The following DOK6 variants were observed in gnomAD, a reference collection of about 807,000 sequenced individuals.
DOK6 encodes downstream of tyrosine kinase 6.
DOK6 carries 22 observed loss-of-function variants against 44.0 expected under a neutral mutation model. The observed-to-expected ratio is 0.50, with a 90% CI of 0.36 to 0.71. The LOEUF is 0.71. Among genes scored for constraint, DOK6 ranks in the 30% least tolerant of loss-of-function variants. DOK6 has a pLI of 0.00. For synonymous variants in DOK6, 166 were observed against 145.5 expected, an observed-to-expected ratio of 1.14 and a Z score of -1.01; for missense variants, 340 against 416.4, an observed-to-expected ratio of 0.82 and a Z score of 1.60.
intron 2 of DOK6, among the ~76,000 whole-genome samples, chr18:69,585,107 T>G (rs1419860096): frequency 6.6e-6 from 1 of 152,024 alleles, no homozygotes; most frequent in Non-Finnish European, 1.5e-5. Flanking sequence ...CATTTTCAGT[T>G]GAATGTCTAA....
intron 1 of DOK6, among the ~76,000 whole-genome samples, chr18:69,452,448 C>T (rs1166794053): frequency 1.6e-5 from 2 of 126,130 alleles, no homozygotes; most frequent in African/African-American, 6.4e-5. Context: ...GAGTCCAGGA[C>T]CAGATGAATT....
intron 4 of DOK6, among the ~76,000 whole-genome samples, chr18:69,689,133 T>C (rs1369636621): frequency 1.2e-4 from 19 of 152,286 alleles, no homozygotes; most frequent in Non-Finnish European, 4.4e-5. Flanking sequence ...AAGAACCTTG[T>C]AGAGAATAAG....
At chr18:69,814,391 G>A (rs1395386346) in intron 7 of DOK6, among the ~76,000 whole-genome samples, 2 of 152,062 alleles carry the variant, frequency 1.3e-5, no homozygotes, top group Non-Finnish European at 2.9e-5. Flanking sequence ...GCCCCTTCAG[G>A]TGGATAGATG....
intron 1 of DOK6, among the ~76,000 whole-genome samples, chr18:69,540,145 T>C (rs1982231820): frequency 6.6e-6 from 1 of 152,064 alleles, no homozygotes; most frequent in Admixed American, 6.6e-5. Flanking sequence ...CATCAACATG[T>C]GGGGATTATG....
chr18:69,423,800 A>G (rs1439190509), intron 1 of DOK6, among the ~76,000 whole-genome samples: 3 of 152,246 alleles, frequency 2.0e-5, no homozygotes, highest in Non-Finnish European at 4.4e-5. Context: ...TTCTTAAAAC[A>G]TAATTTGCTG....
chr18:69,475,853 TATC>T (rs972765610), intron 1 of DOK6, among the ~76,000 whole-genome samples: 1 of 152,248 alleles, frequency 6.6e-6, no homozygotes, highest in African/African-American at 2.4e-5. Flanking sequence ...ATGAGCCACT[TATC>T]ATAGCTATTG....
At chr18:69,761,994 G>T (rs1448179926) in intron 7 of DOK6, among the ~76,000 whole-genome samples, 1 of 152,070 alleles carries the variant, frequency 6.6e-6, no homozygotes, top group Non-Finnish European at 1.5e-5. Flanking sequence ...AAGTGAGCAT[G>T]TATTAAAAAG....
chr18:69,742,798 AG>A (rs1978850148), intron 6 of DOK6, among the ~76,000 whole-genome samples: 1 of 152,208 alleles, frequency 6.6e-6, no homozygotes, highest in African/African-American at 2.4e-5. Context: ...AAATATCAAA[AG>A]TTTTCCATAC....
chr18:69,796,274 T>G (rs919520472), intron 7 of DOK6, among the ~76,000 whole-genome samples: 2 of 152,176 alleles, frequency 1.3e-5, no homozygotes, highest in East Asian at 1.9e-4. Flanking sequence ...AAACAATTTC[T>G]CTAATCCCCA....
chr18:69,799,369 T>C (rs527514124), intron 7 of DOK6, among the ~76,000 whole-genome samples: 10 of 152,018 alleles, frequency 6.6e-5, no homozygotes, highest in South Asian at 2.1e-4. Context: ...ATTTTGTAAA[T>C]GAGATTATTA....
intron 1 of DOK6, among the ~76,000 whole-genome samples, chr18:69,478,447 T>G (rs751124993): frequency 1.3e-5 from 2 of 152,128 alleles, no homozygotes; most frequent in Non-Finnish European, 2.9e-5. Context: ...AAATCATTAT[T>G]AGAAAGTAGT....
chr18:69,779,706 G>A (rs1162269980), intron 7 of DOK6, among the ~76,000 whole-genome samples: 6 of 151,840 alleles, frequency 4.0e-5, no homozygotes, highest in Admixed American at 6.6e-5. Context: ...GTGTGTGTGT[G>A]TGTGTGTGTG....
chr18:69,535,743 G>T lies in DOK6; in HGVS notation c.67-28744G>T, dbSNP rs181920286. 2.3e-3 allele frequency among the ~76,000 whole-genome samples: 348 copies of T among 151,928 alleles called. 1 individual carries two copies. The highest frequency in any genetic ancestry group is 8.2e-3 in the African/African-American group (341 of 41,494). ...AGTTTTCAGGTTTCCAAACAGAAAAGAAAATGATTTATAGGAGTCCCAAAT... is the reference window on the plus strand; with the variant it reads ...AGTTTTCAGGTTTCCAAACAGAAAATAAAATGATTTATAGGAGTCCCAAAT... On this transcript the variant is annotated intron_variant, in intron 1 of 7. Transcript: ENST00000382713.
intron 3 of DOK6, among the ~76,000 whole-genome samples, chr18:69,613,151 G>A (rs1451046804): frequency 1.3e-5 from 2 of 152,134 alleles, no homozygotes; most frequent in South Asian, 2.1e-4. Flanking sequence ...GATTACAGGC[G>A]GGAGCCACCG....
At chr18:69,610,515 ACT>A (rs1313621612) in intron 3 of DOK6, among the ~76,000 whole-genome samples, 1 of 152,216 alleles carries the variant, frequency 6.6e-6, no homozygotes. Flanking sequence ...TTTTGCAATC[ACT>A]AGAAAGAATT....
intron 3 of DOK6, among the ~76,000 whole-genome samples, chr18:69,616,915 A>G (rs1229482275): frequency 6.6e-6 from 1 of 152,236 alleles, no homozygotes; most frequent in Non-Finnish European, 1.5e-5. Context: ...TTGAATGAGG[A>G]CTTAAAAATA....
In DOK6 at chr18:69,665,442, C is replaced by G. The variant is rs543216241; in HGVS notation, c.290-12292C>G. ...ATTATAGGTACCTAATTATTTGTAC[C>G]TAATTATAGGCACCTAATTATTTGA... On this transcript the variant is annotated intron_variant, in intron 3 of 7. Transcript: ENST00000382713. Among the ~76,000 whole-genome samples the G allele has an allele frequency of 6.6e-5, 10 of 152,222 alleles. No homozygotes were observed. In the South Asian group the frequency reaches 2.1e-3, roughly 32 times the overall value.
chr18:69,614,560 G>C (rs1599222929), intron 3 of DOK6, among the ~76,000 whole-genome samples: 2 of 151,684 alleles, frequency 1.3e-5, no homozygotes, highest in African/African-American at 4.8e-5. Context: ...GTGTGTGTGT[G>C]TGTGTGTGTG....
At chr18:69,445,657 T>G (rs1979264726) in intron 1 of DOK6, among the ~76,000 whole-genome samples, 1 of 152,182 alleles carries the variant, frequency 6.6e-6, no homozygotes, top group African/African-American at 2.4e-5. Context: ...CTCACTTGGT[T>G]ATTGTGTATA....
Sources: gnomAD v4.1 joint callset for allele counts (sites outside exome capture counted in the v4.1 genomes callset) on GRCh38, gnomAD v4.1.1 for gene constraint, MANE v1.5 for transcripts, NCBI Gene and HGNC (gene_info 2026-07-23, HGNC 2026-07-21) for gene names.